The following NOX4 variants were observed in gnomAD, a reference collection of about 807,000 sequenced individuals.
NOX4 encodes kidney oxidase-1.
Under a neutral mutation model 87.6 loss-of-function variants are expected in NOX4, and 69 were observed. The observed-to-expected ratio is 0.79, with a 90% CI of 0.65 to 0.96. The LOEUF is 0.96. Ranked by LOEUF, NOX4 falls within the 40% of genes least tolerant of loss-of-function variation. NOX4 has a pLI of 0.00. For missense variants in NOX4, 680 were observed against 681.5 expected, an observed-to-expected ratio of 1.00 and a Z score of 0.02; for synonymous variants, 275 against 238.2, an observed-to-expected ratio of 1.15 and a Z score of -1.42.
upstream of NOX4, among the ~76,000 whole-genome samples, chr11:89,493,457 G>C (rs147851855): frequency 2.1e-3 from 319 of 151,858 alleles, no homozygotes; most frequent in African/African-American, 7.2e-3. Context: ...TAATGAAACT[G>C]GGTTTGCTTC....
At position 89,400,339 on chromosome 11, in the gene NOX4, G is replaced by T. The variant is rs1181629987; in HGVS notation, c.887C>A (p.Ala296Asp). Residue 296 changes from alanine to aspartate, a missense_variant, in exon 10 of 18, where the codon GCC becomes GAC. By Grantham distance (126) the Ala-to-Asp change is moderately radical. Transcript: ENST00000263317. ...CCGGATATACCTGTAAAGTCTTTCG[G>T]CACAGTACAGGCACAAAGGTCCAGA... ...WISGPLCLYC[A>D]ERLYRYIRSN... 1 of 1,612,194 alleles carries T rather than the reference G, an allele frequency of 6.2e-7. No individual in the cohort carries two copies. Among genetic ancestry groups the T allele is most frequent in the Non-Finnish European group, 8.5e-7 (1 of 1,179,038 alleles).
intron 11 of NOX4, among the ~76,000 whole-genome samples, chr11:89,395,343 T>C (rs1941403458): frequency 6.6e-6 from 1 of 152,190 alleles, no homozygotes. Context: ...CACTTTATGA[T>C]GGGGTTGTTT....
At chr11:89,400,924 T>C (rs1259601411) in intron 9 of NOX4, among the ~76,000 whole-genome samples, 1 of 151,686 alleles carries the variant, frequency 6.6e-6, no homozygotes, top group Non-Finnish European at 1.5e-5. Flanking sequence ...GTTTACCACT[T>C]ACTTTTATAT....
chr11:89,438,874 TA>T (rs1944299113), intron 6 of NOX4, among the ~76,000 whole-genome samples: 6 of 54,888 alleles, frequency 1.1e-4, no homozygotes, highest in South Asian at 4.9e-4. Flanking sequence ...ATTATATATA[TA>T]ATATATAATA....
At chr11:89,503,076 T>C (rs2135513181), upstream of NOX4, among the ~76,000 whole-genome samples, 1 of 152,184 alleles carries the variant, frequency 6.6e-6, no homozygotes, top group African/African-American at 2.4e-5. Context: ...ATTTAAATCA[T>C]TTATTTTAAC....
intron 12 of NOX4, among the ~76,000 whole-genome samples, chr11:89,363,964 T>G (rs1938731239): frequency 6.6e-6 from 1 of 152,006 alleles, no homozygotes; most frequent in Middle Eastern, 3.2e-3. Context: ...AAGTTGCAAC[T>G]TATTAAAGAT....
chr11:89,516,336 A>G, the NOX4 span, among the ~76,000 whole-genome samples: 1 of 152,112 alleles, frequency 6.6e-6, no homozygotes, highest in Non-Finnish European at 1.5e-5. Flanking sequence ...ATAGATCAAT[A>G]GAAATTAGAG....
rs1946764103 is a variant in NOX4, at chr11:89,489,537, G to A, written c.153+921C>T. 3.9e-5 allele frequency among the ~76,000 whole-genome samples: 6 copies of A among 152,152 alleles called. No individual in the cohort carries two copies. The South Asian group carries it at 1.2e-3, about 32-fold the overall frequency. ...GAGGTCAGGAGTTCTAGACCAGCCT[G>A]ACCAACATGGTGAAACCTTGTGTCT... On this transcript the variant is annotated intron_variant, in intron 2 of 17. Coordinates refer to ENST00000263317, the MANE Select transcript of NOX4 (RefSeq NM_016931.5).
chr11:89,400,247 C>G lies in NOX4; in HGVS notation c.979G>C (p.Val327Leu), dbSNP rs756798129. 3.1e-6 allele frequency: 5 copies of G among 1,612,792 alleles called. No individual in the cohort carries two copies. The highest frequency in any genetic ancestry group is 4.2e-6 in the Non-Finnish European group (5 of 1,179,228). Residue 327 changes from valine to leucine, a missense_variant, in exon 10 of 18, where the codon GTC becomes CTC. Val to Leu is a conservative substitution (Grantham distance 32, BLOSUM62 1). Coordinates refer to ENST00000263317, the MANE Select transcript of NOX4 (RefSeq NM_016931.5). ...GGTCTTGCTTTAAAATTTTCTTTGA[C>G]CATTCGGATTTCCATGACATCTGAG... Reference protein sequence around the residue: ...HPSDVMEIRMVKENFKARPGQ... With the variant: ...HPSDVMEIRMLKENFKARPGQ...
the NOX4 span, among the ~76,000 whole-genome samples, chr11:89,581,203 TTTCAG>T: frequency 6.6e-6 from 1 of 152,146 alleles, no homozygotes; most frequent in African/African-American, 2.4e-5. Flanking sequence ...CATAGTCCTT[TTTCAG>T]TTAGCAATAG....
At chr11:89,432,684 A>C in intron 7 of NOX4, 100 bp downstream of exon 7, 2 of 802,936 alleles carry the variant, frequency 2.5e-6, no homozygotes, top group Non-Finnish European at 4.2e-6. Flanking sequence ...AGAATAGTCC[A>C]TTAACCAGGA....
chr11:89,511,081 TG>T, the NOX4 span, among the ~76,000 whole-genome samples: 2 of 152,192 alleles, frequency 1.3e-5, no homozygotes, highest in African/African-American at 4.8e-5. Context: ...ATTGTTTCTT[TG>T]GAGTTCTTAC....
intron 5 of NOX4, among the ~76,000 whole-genome samples, chr11:89,442,535 A>G (rs1264866176): frequency 6.6e-6 from 1 of 152,186 alleles, no homozygotes; most frequent in Non-Finnish European, 1.5e-5. Flanking sequence ...AGAATGAGAT[A>G]GATTAAGATA....
chr11:89,562,012 G>A, the NOX4 span, among the ~76,000 whole-genome samples: 4 of 152,110 alleles, frequency 2.6e-5, no homozygotes, highest in African/African-American at 9.7e-5. Context: ...TGTGAGCTGA[G>A]GCAATGCCTG....
chr11:89,511,986 G>A, the NOX4 span, among the ~76,000 whole-genome samples: 1 of 151,956 alleles, frequency 6.6e-6, no homozygotes, highest in Non-Finnish European at 1.5e-5. Flanking sequence ...TAATTAGTAG[G>A]TGTTTATATT....
At chr11:89,434,594 A>G (rs1943984700) in intron 6 of NOX4, among the ~76,000 whole-genome samples, 1 of 151,084 alleles carries the variant, frequency 6.6e-6, no homozygotes, top group Admixed American at 6.6e-5. Flanking sequence ...TAACCCAGCC[A>G]TTGCACTTCC....
chr11:89,580,144 C>T, the NOX4 span, among the ~76,000 whole-genome samples: 1 of 151,996 alleles, frequency 6.6e-6, no homozygotes, highest in South Asian at 2.1e-4. Context: ...AAAAAACATG[C>T]CATTTCTTAA....
intron 12 of NOX4, among the ~76,000 whole-genome samples, chr11:89,356,933 C>T (rs1338674601): frequency 5.3e-5 from 8 of 152,126 alleles, no homozygotes; most frequent in African/African-American, 1.9e-4. Context: ...ACCCATACTC[C>T]TGTCTTGATA....
chr11:89,396,406 T>G (rs1941487291), intron 11 of NOX4, among the ~76,000 whole-genome samples: 1 of 152,142 alleles, frequency 6.6e-6, no homozygotes, highest in African/African-American at 2.4e-5. Context: ...GATTTTGGGC[T>G]GAGACGATGG....
Sources: allele counts gnomAD v4.1 joint callset (sites outside exome capture counted in the v4.1 genomes callset), GRCh38; gene constraint gnomAD v4.1.1; transcripts MANE v1.5; gene names NCBI Gene and HGNC (gene_info 2026-07-23, HGNC 2026-07-21).